Variants in EVC2 observed in about 807,000 individuals in gnomAD.
EVC2 encodes EvC ciliary complex subunit 2.
EVC2 carries 148 observed loss-of-function variants against 149.3 expected under a neutral mutation model. That is an observed-to-expected ratio of 0.99 (90% CI 0.87 to 1.14). The LOEUF (loss-of-function observed/expected upper bound fraction) is 1.14. Among genes scored for constraint, EVC2 ranks in the 50% most tolerant of loss-of-function variants. The pLI is 0.00. For synonymous variants in EVC2, 776 were observed against 649.9 expected, an observed-to-expected ratio of 1.19 and a Z score of -2.95; for missense variants, 1,854 against 1,627.3, an observed-to-expected ratio of 1.14 and a Z score of -2.40.
At chr4:5,703,169 G>A (rs978373421) in intron 1 of EVC2, among the ~76,000 whole-genome samples, 3 of 152,184 alleles carry the variant, frequency 2.0e-5, no homozygotes, top group Non-Finnish European at 2.9e-5. Context: ...CCTACAGCAT[G>A]CAGTGCTTCT....
At chr4:5,584,377 T>C (rs1412279929) in intron 17 of EVC2, among the ~76,000 whole-genome samples, 1 of 152,326 alleles carries the variant, frequency 6.6e-6, no homozygotes, top group East Asian at 1.9e-4. Flanking sequence ...AATGAACCCA[T>C]GGCACCTGCC....
rs1439167924 is a variant in EVC2, at chr4:5,568,424, A to G, written c.3557+20T>C. The G allele has an allele frequency of 6.5e-7, 1 of 1,540,980 alleles. No homozygotes were observed. Among genetic ancestry groups the G allele is most frequent in the Non-Finnish European group, 8.7e-7 (1 of 1,149,484 alleles). ...TGGACAGGGACGTGCCCCGGGAGGC[A>G]GCCCCTCCACGGCACTCACCTCCGC... On this transcript the variant is annotated intron_variant, in intron 20 of 21. Transcript: ENST00000344408.
At chr4:5,678,200 G>A (rs1720121180) in intron 7 of EVC2, among the ~76,000 whole-genome samples, 1 of 152,156 alleles carries the variant, frequency 6.6e-6, no homozygotes, top group African/African-American at 2.4e-5. Context: ...TGTGGCTTAT[G>A]CTGAGCACCT....
At chr4:5,704,628 G>A (rs550487436) in intron 1 of EVC2, among the ~76,000 whole-genome samples, 24 of 152,166 alleles carry the variant, frequency 1.6e-4, no homozygotes, top group Non-Finnish European at 2.4e-4. Context: ...GGGGTGCTCC[G>A]GCCATTAAAG....
chr4:5,601,240 G>A (rs2108810923), intron 16 of EVC2, among the ~76,000 whole-genome samples: 1 of 152,084 alleles, frequency 6.6e-6, no homozygotes, highest in East Asian at 1.9e-4. Context: ...CACATACCTG[G>A]GAAAGCCTGT....
Position 5,690,204 on chromosome 4 carries a change from C to T in EVC2, c.520-861G>A, listed in dbSNP as rs532101855. Among the ~76,000 whole-genome samples, 16 of 152,278 alleles carry T rather than the reference C, an allele frequency of 1.1e-4. No homozygotes were observed. The South Asian group carries it at 3.3e-3, about 32-fold the overall frequency. Reference sequence around the variant, plus strand: ...AGAAGGATATACAAGAAACTACTAACACTGATTGCATCCAGGAAGGCAAAC... The same window carrying T: ...AGAAGGATATACAAGAAACTACTAATACTGATTGCATCCAGGAAGGCAAAC... On this transcript the variant is annotated intron_variant, in intron 4 of 21. Transcript: ENST00000344408.
rs1436502582 is a variant in EVC2, at chr4:5,631,981, C to T, written c.1522G>A (p.Glu508Lys). 2.5e-6 allele frequency: 4 copies of T among 1,614,232 alleles called. No individual in the cohort carries two copies. Among genetic ancestry groups the T allele is most frequent in the Admixed American group, 1.7e-5 (1 of 60,028 alleles). The stretch of plus-strand genomic sequence containing the variant: ...AAAGCGAGAGACTTCCTCAAGTGCT[C>T]CTGTTCCAGGCCATGGAGGGTCCGC... ...LLRTLHGLEQ[E>K]HLRKSLALQQ... Residue 508 changes from glutamate (E) to lysine (K), a missense_variant, in exon 11 of 22, where the codon GAG (glutamate) becomes AAG (lysine). Coordinates refer to ENST00000344408, the MANE Select transcript of EVC2 (RefSeq NM_147127.5).
chr4:5,666,842 G>A lies in EVC2; in HGVS notation c.871-1193C>T, dbSNP rs529487460. ...TATCTATTTATTCTCAAGTAAGTTC[G>A]TTTGGAGAAGATGCTCTTTTCTCAC... is the stretch of plus-strand genomic sequence containing the variant. On this transcript the variant is annotated intron_variant, in intron 7 of 21. Transcript: ENST00000344408. Among the ~76,000 whole-genome samples the A allele has an allele frequency of 4.6e-5, 7 of 152,058 alleles. No homozygotes were observed. In the South Asian group the frequency reaches 1.0e-3, roughly 23 times the overall value.
At chr4:5,641,540 C>T (rs201610188) in intron 9 of EVC2, among the ~76,000 whole-genome samples, 3 of 152,066 alleles carry the variant, frequency 2.0e-5, no homozygotes, top group Admixed American at 6.6e-5. Flanking sequence ...ACCTGACTGG[C>T]GGTAGTTGTA....
chr4:5,701,199 T>C (rs1577274245), intron 1 of EVC2, among the ~76,000 whole-genome samples: 1 of 152,152 alleles, frequency 6.6e-6, no homozygotes, highest in Non-Finnish European at 1.5e-5. Context: ...CCTTCAAACA[T>C]CTCCTTCTGA....
intron 16 of EVC2, among the ~76,000 whole-genome samples, chr4:5,592,760 A>G (rs1369532538): frequency 2.0e-5 from 3 of 152,220 alleles, no homozygotes; most frequent in Non-Finnish European, 2.9e-5. Flanking sequence ...CATGTGCACA[A>G]CTTCTGTAAA....
chr4:5,650,241 A>C (rs2108877450), intron 9 of EVC2, among the ~76,000 whole-genome samples: 1 of 152,182 alleles, frequency 6.6e-6, no homozygotes, highest in South Asian at 2.1e-4. Flanking sequence ...CCCACTGGCC[A>C]GACTATGACA....
chr4:5,697,642 C>T lies in EVC2; in HGVS notation c.234G>A (p.Leu78=). 6.2e-7 allele frequency: 1 copy of T among 1,613,962 alleles called. No homozygotes were observed. Among genetic ancestry groups the T allele is most frequent in the Non-Finnish European group, 8.5e-7 (1 of 1,179,958 alleles). ...CCACTTTGGGCCAAATCATACAGGG[C>T]AAGTCCTAAAAAATTCAAGACACAA... ...GAGPESSTQD[L]PCMIWPKVEC... is the part of the protein sequence containing the mutation. The change falls in exon 2 of 22, where the codon TTG becomes TTA. Residue 78 remains leucine, a synonymous_variant. Coordinates refer to ENST00000344408, the MANE Select transcript of EVC2 (RefSeq NM_147127.5).
At chr4:5,690,434 G>A (rs569271801) in intron 4 of EVC2, among the ~76,000 whole-genome samples, 1 of 150,772 alleles carries the variant, frequency 6.6e-6, no homozygotes, top group South Asian at 2.1e-4. Flanking sequence ...ATATGCCTGG[G>A]TCCTTTGACC....
At chr4:5,620,543 ATG>A (rs1404844401) in intron 14 of EVC2, among the ~76,000 whole-genome samples, 1 of 152,206 alleles carries the variant, frequency 6.6e-6, no homozygotes, top group Admixed American at 6.5e-5. Context: ...GCTTCTAAAA[ATG>A]TGTTTCAAAT....
chr4:5,594,024 G>A (rs1397908788), intron 16 of EVC2, among the ~76,000 whole-genome samples: 1 of 152,184 alleles, frequency 6.6e-6, no homozygotes, highest in African/African-American at 2.4e-5. Flanking sequence ...GGGGAGGGGT[G>A]CCCGCCATTG....
chr4:5,564,469 C>T (rs1298167192), intron 21 of EVC2, among the ~76,000 whole-genome samples: 4 of 152,224 alleles, frequency 2.6e-5, no homozygotes, highest in African/African-American at 7.2e-5. Context: ...TGGTTCCAAG[C>T]GCTTTATCAT....
chr4:5,545,111 C>G (rs1234389517), intron 21 of EVC2, among the ~76,000 whole-genome samples: 1 of 152,224 alleles, frequency 6.6e-6, no homozygotes, highest in African/African-American at 2.4e-5. Context: ...TTCCACAATG[C>G]TTCACAACAC....
intron 16 of EVC2, among the ~76,000 whole-genome samples, chr4:5,604,683 CAAG>C (rs1017693153): frequency 1.3e-5 from 2 of 151,966 alleles, no homozygotes; most frequent in African/African-American, 2.4e-5. Context: ...TTCAAAATAA[CAAG>C]AAGGGAGGAC....
Sources: gnomAD v4.1 joint callset for allele counts (sites outside exome capture counted in the v4.1 genomes callset) on GRCh38, gnomAD v4.1.1 for gene constraint, MANE v1.5 for transcripts, NCBI Gene and HGNC (gene_info 2026-07-23, HGNC 2026-07-21) for gene names.